The following RYR2 variants were observed in gnomAD, a reference collection of about 807,000 sequenced individuals.
The protein encoded by RYR2 is cardiac muscle ryanodine receptor-calcium release channel.
RYR2 carries 227 observed loss-of-function variants against 601.1 expected under a neutral mutation model. The ratio of observed to expected loss-of-function variants is 0.38; its 90% CI spans 0.34 to 0.42. The LOEUF (loss-of-function observed/expected upper bound fraction) is 0.42, where lower values mean the gene tolerates loss of function less well. RYR2 is among the 10% of genes least tolerant of loss of function. RYR2 has a pLI of 1.00. For synonymous variants in RYR2, 2,223 were observed against 2,175.1 expected (o/e 1.02, Z -0.61); for missense variants, 4,646 against 6,156.5 (o/e 0.75, Z 8.21).
At chr1:237,195,438 A>G (rs944608764) in intron 1 of RYR2, among the ~76,000 whole-genome samples, 76 of 152,238 alleles carry the variant, frequency 5.0e-4, no homozygotes, top group African/African-American at 1.8e-3. Context: ...TGTTTAGTAG[A>G]GACGGGGTTT....
At chr1:237,204,034 G>A (rs1299797049) in intron 1 of RYR2, among the ~76,000 whole-genome samples, 1 of 152,136 alleles carries the variant, frequency 6.6e-6, no homozygotes, top group East Asian at 1.9e-4. Context: ...TTTTTGAGAT[G>A]GAGTCTTGCT....
chr1:237,628,086 T>C lies in RYR2; in HGVS notation c.6440+6T>C, dbSNP rs775678664. On this transcript the variant is annotated splice_donor_region_variant and intron_variant, in intron 41 of 104. Coordinates refer to ENST00000366574, the MANE Select transcript of RYR2 (RefSeq NM_001035.3). ...CTCATGATTCGTGGATTAGGGTAAA[T>C]TATTTAACTACTACAACCCTTTGTC... 7 of 1,612,766 alleles carry C rather than the reference T, an allele frequency of 4.3e-6. No individual in the cohort carries two copies. The African/African-American group carries it at 9.3e-5, about 22-fold the overall frequency.
At chr1:237,412,407 G>T (rs1273604696) in intron 10 of RYR2, among the ~76,000 whole-genome samples, 6 of 152,064 alleles carry the variant, frequency 3.9e-5, no homozygotes, top group African/African-American at 1.4e-4. Flanking sequence ...ACAGCCTTAA[G>T]TCTGGAATTT....
intron 2 of RYR2, among the ~76,000 whole-genome samples, chr1:237,322,857 T>C (rs1458153462): frequency 1.3e-5 from 2 of 149,620 alleles, no homozygotes; most frequent in African/African-American, 2.5e-5. Context: ...TGGTGTTAAT[T>C]TTTTTTTAAA....
At chr1:237,494,138 T>G (rs1183516136) in intron 19 of RYR2, among the ~76,000 whole-genome samples, 1 of 152,080 alleles carries the variant, frequency 6.6e-6, no homozygotes, top group Non-Finnish European at 1.5e-5. Flanking sequence ...AAAGGGAGTT[T>G]ATTAAGGAGC....
At chr1:237,133,043 T>C (rs1213819196) in intron 1 of RYR2, among the ~76,000 whole-genome samples, 1 of 152,114 alleles carries the variant, frequency 6.6e-6, no homozygotes, top group South Asian at 2.1e-4. Context: ...CTGATTGACA[T>C]GCTCTGGGTA....
At chr1:237,280,504 T>C (rs960570554) in intron 2 of RYR2, among the ~76,000 whole-genome samples, 2 of 152,174 alleles carry the variant, frequency 1.3e-5, no homozygotes, top group Admixed American at 6.5e-5. Flanking sequence ...TATTTTTCAA[T>C]ATTCTTATGT....
At chr1:237,762,489 A>G (rs1693506092) in intron 84 of RYR2, among the ~76,000 whole-genome samples, 1 of 152,192 alleles carries the variant, frequency 6.6e-6, no homozygotes, top group Non-Finnish European at 1.5e-5. Flanking sequence ...CCCTGTAGTT[A>G]TTACCTAATG....
intron 1 of RYR2, among the ~76,000 whole-genome samples, chr1:237,121,585 T>C (rs1670783191): frequency 6.6e-6 from 1 of 152,208 alleles, no homozygotes; most frequent in African/African-American, 2.4e-5. Flanking sequence ...TGCTGGACCA[T>C]TGTCATTAGC....
At chr1:237,801,267 A>G (rs1219850857) in intron 97 of RYR2, among the ~76,000 whole-genome samples, 1 of 151,362 alleles carries the variant, frequency 6.6e-6, no homozygotes, top group Non-Finnish European at 1.5e-5. Flanking sequence ...ACAATGGTGC[A>G]TGCATGTAAT....
intron 1 of RYR2, among the ~76,000 whole-genome samples, chr1:237,092,654 C>T (rs956316548): frequency 1.3e-5 from 2 of 151,804 alleles, no homozygotes; most frequent in South Asian, 2.1e-4. Context: ...CTCAGCCTCC[C>T]GAGTAACTGG....
In RYR2 at chr1:237,106,686, C is replaced by T. The variant is rs539663333; in HGVS notation, c.48+64117C>T. ...AGTGTCCCTTTTTCAGACATGGCAC[C>T]TTCGTCCATTTGGGCTGCTATAACA... On this transcript the variant is annotated intron_variant, in intron 1 of 104. Transcript: ENST00000366574. The surrounding 1 kb of genome is among the most constrained non-coding windows in gnomAD (Gnocchi z 4.4). Among the ~76,000 whole-genome samples the T allele has an allele frequency of 6.6e-6, 1 of 152,282 alleles. No individual in the cohort carries two copies. Among genetic ancestry groups the T allele is most frequent in the South Asian group, 2.1e-4 (1 of 4,828 alleles).
chr1:237,623,446 T>C (rs914873624), intron 38 of RYR2, among the ~76,000 whole-genome samples: 12 of 142,586 alleles, frequency 8.4e-5, no homozygotes, highest in African/African-American at 2.8e-4. Flanking sequence ...CAGGCTGGAG[T>C]GTAGTGGCAC....
At chr1:237,805,417 A>G (rs1303596479) in intron 98 of RYR2, among the ~76,000 whole-genome samples, 5 of 151,900 alleles carry the variant, frequency 3.3e-5, no homozygotes, top group African/African-American at 9.7e-5. Context: ...CGTCTCTACT[A>G]AAAATACAAA....
intron 10 of RYR2, among the ~76,000 whole-genome samples, chr1:237,390,391 T>C (rs1056959474): frequency 9.8e-5 from 15 of 152,296 alleles, no homozygotes; most frequent in African/African-American, 3.4e-4. Context: ...TAAACAATGG[T>C]TTCCCCTCTT....
intron 35 of RYR2, among the ~76,000 whole-genome samples, chr1:237,606,484 A>T (rs199511890): frequency 3.3e-5 from 5 of 152,208 alleles, no homozygotes; most frequent in East Asian, 3.9e-4. Context: ...AACCTAGGCA[A>T]TACCATTCAG....
chr1:237,208,550 A>G (rs1340938809), intron 1 of RYR2, among the ~76,000 whole-genome samples: 2 of 152,124 alleles, frequency 1.3e-5, no homozygotes, highest in African/African-American at 4.8e-5. Flanking sequence ...CATCATCTTA[A>G]AAGTTTTATT....
intron 1 of RYR2, among the ~76,000 whole-genome samples, chr1:237,208,976 ATATATATATG>A (rs1310314858): frequency 7.2e-4 from 69 of 95,430 alleles, no homozygotes; most frequent in African/African-American, 2.3e-3. Context: ...ATATATATAT[ATATATATATG>A]TATACTGTAA....
intron 9 of RYR2, 65 bp from the exon 10 acceptor site, chr1:237,388,022 G>A (rs1702079922): frequency 7.2e-7 from 1 of 1,396,148 alleles, no homozygotes. Flanking sequence ...TGGACCAGAT[G>A]ATCTGTCTGG....
Sources: allele counts gnomAD v4.1 joint callset (sites outside exome capture counted in the v4.1 genomes callset), GRCh38; gene constraint gnomAD v4.1.1; non-coding constraint Gnocchi (gnomAD v3.1); transcripts MANE v1.5; gene names NCBI Gene and HGNC (gene_info 2026-07-23, HGNC 2026-07-21).